Variants in CHRM3 observed in about 807,000 individuals in gnomAD.
CHRM3 encodes muscarinic acetylcholine receptor M3.
CHRM3 carries 11 observed loss-of-function variants against 41.8 expected under a neutral mutation model. The observed-to-expected ratio is 0.26, with a 90% CI of 0.17 to 0.44. CHRM3 has a LOEUF of 0.44. CHRM3 is among the 20% of genes least tolerant of loss of function. The pLI, the probability that CHRM3 is intolerant of heterozygous loss-of-function variation, is 1.00. For missense variants in CHRM3, 571 were observed against 745.4 expected, an observed-to-expected ratio of 0.77 and a Z score of 2.72; for synonymous variants, 297 against 301.4, an observed-to-expected ratio of 0.99 and a Z score of 0.15.
intron 4 of CHRM3, among the ~76,000 whole-genome samples, chr1:239,666,175 C>T (rs1044863669): frequency 2.8e-5 from 4 of 144,804 alleles, no homozygotes; most frequent in African/African-American, 7.7e-5. Context: ...TCCTCTCCAG[C>T]GTCTGTTGTT....
At chr1:239,776,195 C>G (rs754251159) in intron 5 of CHRM3, among the ~76,000 whole-genome samples, 96 of 152,268 alleles carry the variant, frequency 6.3e-4, no homozygotes, top group Non-Finnish European at 8.4e-4. Flanking sequence ...AGCACAGACT[C>G]TGGAGCCAGA....
At chr1:239,574,379 G>A (rs1391537712) in intron 3 of CHRM3, among the ~76,000 whole-genome samples, 1 of 151,934 alleles carries the variant, frequency 6.6e-6, no homozygotes, top group Admixed American at 6.6e-5. Context: ...TATTCTTGCT[G>A]GTCCTCATTT....
intron 1 of CHRM3, among the ~76,000 whole-genome samples, chr1:239,464,556 A>G (rs1665589636): frequency 6.6e-6 from 1 of 152,102 alleles, no homozygotes; most frequent in Non-Finnish European, 1.5e-5. Context: ...GCATACTTGA[A>G]GTTTGGTGTT....
At chr1:239,861,465 C>T (rs1201129005) in intron 6 of CHRM3, among the ~76,000 whole-genome samples, 1 of 151,872 alleles carries the variant, frequency 6.6e-6, no homozygotes, top group Non-Finnish European at 1.5e-5. Flanking sequence ...GAAACATGAC[C>T]AGCATTAGGG....
intron 2 of CHRM3, among the ~76,000 whole-genome samples, chr1:239,497,433 C>T (rs116762184): frequency 0.016 from 2,484 of 152,194 alleles, 52 homozygotes; most frequent in African/African-American, 0.044. Flanking sequence ...TCTCTTTGTG[C>T]TTCTTTCATG....
chr1:239,416,082 G>A (rs532748059), intron 1 of CHRM3, among the ~76,000 whole-genome samples: 6 of 152,126 alleles, frequency 3.9e-5, no homozygotes, highest in African/African-American at 1.4e-4. Context: ...AGTATCGTGG[G>A]GAAGCCAAAT....
rs1385523800 is a variant in CHRM3, at chr1:239,914,336, T to C, written c.*5112T>C. ...GCATATATTCAATAAATGTTGAATATCTAATAACCTCCTTATTAATATAAC... is the reference window on the plus strand; with the variant it reads ...GCATATATTCAATAAATGTTGAATACCTAATAACCTCCTTATTAATATAAC... On this transcript the variant is annotated 3_prime_UTR_variant, in exon 7 of 7. Transcript: ENST00000676153. 6.0e-6 allele frequency: 1 copy of C among 167,088 alleles called. No homozygotes were observed. The highest frequency in any genetic ancestry group is 1.5e-5 in the Non-Finnish European group (1 of 68,124). The allele number at this position is 167,088 out of a possible 1,614,324, so 10.4% of individuals were successfully genotyped here. A position where few individuals can be genotyped will look rare whatever the true frequency, so the allele number is the denominator to read the frequency against.
At position 239,826,647 on chromosome 1, in the gene CHRM3, G is replaced by A. The variant is rs1305431969; in HGVS notation, c.-146-605G>A. Reference sequence around the variant, plus strand: ...AAAAGCTACAGAGTTAATATGGGAGGAGGGCACTTTGTTAAATAGATTTTT... The same window carrying A: ...AAAAGCTACAGAGTTAATATGGGAGAAGGGCACTTTGTTAAATAGATTTTT... On this transcript the variant is annotated intron_variant, in intron 5 of 6. Coordinates refer to ENST00000676153, the MANE Select transcript of CHRM3 (RefSeq NM_001375978.1). Among the ~76,000 whole-genome samples, 3 of 152,142 alleles carry A rather than the reference G, an allele frequency of 2.0e-5. No individual in the cohort carries two copies. In the East Asian group the frequency reaches 5.8e-4, roughly 29 times the overall value.
chr1:239,760,710 T>A (rs141243478), intron 5 of CHRM3, among the ~76,000 whole-genome samples: 1 of 152,228 alleles, frequency 6.6e-6, no homozygotes, highest in African/African-American at 2.4e-5. Flanking sequence ...TGGTTTGCAT[T>A]GTCTCTGACC....
At chr1:239,633,961 A>T (rs1429548343) in intron 4 of CHRM3, among the ~76,000 whole-genome samples, 1 of 152,218 alleles carries the variant, frequency 6.6e-6, no homozygotes, top group Admixed American at 6.5e-5. Flanking sequence ...ACCCTATCTT[A>T]CTTAAACACT....
chr1:239,678,960 C>A (rs1658275037), intron 5 of CHRM3, among the ~76,000 whole-genome samples: 1 of 152,020 alleles, frequency 6.6e-6, no homozygotes, highest in Admixed American at 6.6e-5. Context: ...CCTGTAGCTT[C>A]TGTCTAATTC....
At chr1:239,589,675 T>TACAGAAG (rs1663884681) in intron 3 of CHRM3, among the ~76,000 whole-genome samples, 3 of 144,768 alleles carry the variant, frequency 2.1e-5, no homozygotes, top group Non-Finnish European at 4.5e-5. Context: ...TATATAGTTT[T>TACAGAAG]ATGTAATTTC....
chr1:239,810,927 A>G (rs1166831204), intron 5 of CHRM3, among the ~76,000 whole-genome samples: 1 of 152,242 alleles, frequency 6.6e-6, no homozygotes, highest in Non-Finnish European at 1.5e-5. Flanking sequence ...TACAGGTTCT[A>G]ACTGAGCTAC....
intron 5 of CHRM3, among the ~76,000 whole-genome samples, chr1:239,684,748 G>GAGAAAAAGAAAGAAAGAAAGAAAGAA (rs1553363710): frequency 7.4e-5 from 8 of 107,806 alleles, no homozygotes; most frequent in African/African-American, 2.8e-4. Flanking sequence ...GAGAAAGAAA[G>GAGAAAAAGAAAGAAAGAAAGAAAGAA]AGAAAGAAAG....
chr1:239,718,606 T>C (rs750176421), intron 5 of CHRM3, among the ~76,000 whole-genome samples: 128 of 152,122 alleles, frequency 8.4e-4, no homozygotes, highest in Non-Finnish European at 8.8e-4. Flanking sequence ...CAAATTTCCA[T>C]TCTTTTTTTT....
At chr1:239,611,736 T>C (rs1667097979) in intron 3 of CHRM3, among the ~76,000 whole-genome samples, 1 of 152,128 alleles carries the variant, frequency 6.6e-6, no homozygotes, top group African/African-American at 2.4e-5. Flanking sequence ...ACATGTTTTA[T>C]TGCATCTAAT....
intron 1 of CHRM3, among the ~76,000 whole-genome samples, chr1:239,473,388 G>C (rs1240949257): frequency 4.6e-5 from 7 of 151,430 alleles, no homozygotes; most frequent in Non-Finnish European, 1.5e-5. Context: ...CCCAGAGAAA[G>C]ACATCCCAAG....
chr1:239,811,473 C>G (rs1210341404), intron 5 of CHRM3, among the ~76,000 whole-genome samples: 1 of 152,232 alleles, frequency 6.6e-6, no homozygotes, highest in African/African-American at 2.4e-5. Context: ...TCCCTCACCA[C>G]AGATTCTCCC....
At position 239,443,236 on chromosome 1, in the gene CHRM3, A is replaced by G. The variant is rs143985763; in HGVS notation, c.-520-49473A>G. Reference sequence around the variant, plus strand: ...GTTTTTGGTGTTCACAGAGGATGAAAGTCATTTATGGGCAGTTGTGTGTTT... The same window carrying G: ...GTTTTTGGTGTTCACAGAGGATGAAGGTCATTTATGGGCAGTTGTGTGTTT... On this transcript the variant is annotated intron_variant, in intron 1 of 6. Coordinates refer to ENST00000676153, the MANE Select transcript of CHRM3 (RefSeq NM_001375978.1). Among the ~76,000 whole-genome samples, 325 of 152,320 alleles carry G rather than the reference A, an allele frequency of 2.1e-3. 2 individuals are homozygous for G. The highest frequency in any genetic ancestry group is 7.2e-3 in the African/African-American group (300 of 41,572).
Sources: allele counts gnomAD v4.1 joint callset (sites outside exome capture counted in the v4.1 genomes callset), GRCh38; gene constraint gnomAD v4.1.1; transcripts MANE v1.5; gene names NCBI Gene and HGNC (gene_info 2026-07-23, HGNC 2026-07-21).